The following PDE11A variants were observed in gnomAD, a reference collection of about 807,000 sequenced individuals.
PDE11A encodes phosphodiesterase 11A.
A neutral mutation model predicts 100.5 loss-of-function variants in PDE11A; 100 were observed. The ratio of observed to expected loss-of-function variants is 1.00; its 90% confidence interval spans 0.85 to 1.18. PDE11A has a LOEUF of 1.18. Among genes scored for constraint, PDE11A ranks in the 50% most tolerant of loss-of-function variants. The probability of loss-of-function intolerance (pLI) is 0.00; values close to 1 mark genes in which losing one functional copy is unlikely to be tolerated. For synonymous variants in PDE11A, 381 were observed against 420.8 expected, an observed-to-expected ratio of 0.91 and a Z score of 1.16; for missense variants, 1,141 against 1,152.6, an observed-to-expected ratio of 0.99 and a Z score of 0.15.
chr2:177,794,030 A>G lies in PDE11A; in HGVS notation c.1737+22799T>C, dbSNP rs554461039. Among the ~76,000 whole-genome samples the G allele has an allele frequency of 2.2e-4, 34 of 152,280 alleles. No individual in the cohort carries two copies. In the South Asian group the frequency reaches 6.6e-3, roughly 30 times the overall value. ...ACATCAGTCAAAAAAAGAGACAAAA[A>G]TCTCTGCCAGTATGGGGCTTATGAT... On this transcript the variant is annotated intron_variant, in intron 9 of 19. Transcript: ENST00000286063.
intron 2 of PDE11A, among the ~76,000 whole-genome samples, chr2:178,092,125 A>C (rs1384429999): frequency 6.6e-6 from 1 of 152,228 alleles, no homozygotes; most frequent in Non-Finnish European, 1.5e-5. Flanking sequence ...ACCAACCACA[A>C]GTTAATGAAA....
At chr2:177,797,931 C>G (rs980641272) in intron 9 of PDE11A, among the ~76,000 whole-genome samples, 1 of 152,202 alleles carries the variant, frequency 6.6e-6, no homozygotes, top group African/African-American at 2.4e-5. Context: ...GCTGAAAACA[C>G]TTCAATGATT....
intron 12 of PDE11A, among the ~76,000 whole-genome samples, chr2:177,713,442 C>T (rs948442508): frequency 2.0e-5 from 3 of 151,970 alleles, no homozygotes; most frequent in South Asian, 2.1e-4. Flanking sequence ...TTGCATATGC[C>T]GGCCAGGCAC....
At chr2:177,807,054 G>T (rs2082882918) in intron 9 of PDE11A, among the ~76,000 whole-genome samples, 1 of 152,024 alleles carries the variant, frequency 6.6e-6, no homozygotes, top group Non-Finnish European at 1.5e-5. Flanking sequence ...TCAACTCTTA[G>T]ATCCAAGAAA....
chr2:177,859,781 C>T (rs770896270), intron 5 of PDE11A, among the ~76,000 whole-genome samples: 8 of 151,098 alleles, frequency 5.3e-5, no homozygotes, highest in Non-Finnish European at 1.2e-4. Flanking sequence ...TCTCCAAACA[C>T]AATGTGATAG....
At chr2:177,780,246 A>T (rs1289628816) in intron 9 of PDE11A, among the ~76,000 whole-genome samples, 1 of 152,020 alleles carries the variant, frequency 6.6e-6, no homozygotes, top group African/African-American at 2.4e-5. Flanking sequence ...GATTTAGCAT[A>T]ATTCTTTTAT....
chr2:177,822,091 A>C (rs1245291605), intron 6 of PDE11A, among the ~76,000 whole-genome samples: 1 of 151,782 alleles, frequency 6.6e-6, no homozygotes, highest in Non-Finnish European at 1.5e-5. Flanking sequence ...CCCTAATATG[A>C]TATAGGCAAA....
intron 2 of PDE11A, among the ~76,000 whole-genome samples, chr2:177,935,842 C>A (rs1040313728): frequency 2.0e-5 from 3 of 152,130 alleles, no homozygotes; most frequent in Non-Finnish European, 2.9e-5. Flanking sequence ...GATCTTAGCC[C>A]CAGCTCCCTA....
At chr2:177,840,125 C>A (rs1034298105) in intron 6 of PDE11A, 126 bp downstream of exon 6, 2 of 988,980 alleles carry the variant, frequency 2.0e-6, no homozygotes, top group Non-Finnish European at 3.1e-6. Flanking sequence ...GTAGGCAATG[C>A]TAAAAATAAG....
intron 6 of PDE11A, among the ~76,000 whole-genome samples, chr2:177,824,330 G>A (rs2083193867): frequency 5.3e-5 from 8 of 152,178 alleles, no homozygotes. Flanking sequence ...TAAGATTTAA[G>A]TTAATTGCAT....
At chr2:177,901,315 C>T (rs2084694395) in intron 3 of PDE11A, among the ~76,000 whole-genome samples, 2 of 152,114 alleles carry the variant, frequency 1.3e-5, no homozygotes, top group South Asian at 4.2e-4. Flanking sequence ...TCATCTCCAA[C>T]CCAACCAATC....
intron 4 of PDE11A, among the ~76,000 whole-genome samples, chr2:177,882,896 A>G (rs921530374): frequency 2.6e-5 from 4 of 152,180 alleles, no homozygotes; most frequent in Admixed American, 6.6e-5. Flanking sequence ...AAAATTATCT[A>G]CTAAGTAATC....
chr2:177,717,339 T>C lies in PDE11A; in HGVS notation c.2044-5461A>G, dbSNP rs959388364. Among the ~76,000 whole-genome samples, 6 of 149,514 alleles carry C rather than the reference T, an allele frequency of 4.0e-5. No individual in the cohort carries two copies. In the East Asian group the frequency reaches 1.2e-3, roughly 31 times the overall value. On this transcript the variant is annotated intron_variant, in intron 12 of 19. Coordinates refer to ENST00000286063, the MANE Select transcript of PDE11A (RefSeq NM_016953.4). ...TCCATCTTCCTCCCAGGGCTATCCA[T>C]TCAGGCCTGCACGTACTGATATTGA...
At chr2:177,886,824 G>C (rs529344235) in intron 4 of PDE11A, among the ~76,000 whole-genome samples, 1 of 152,134 alleles carries the variant, frequency 6.6e-6, no homozygotes, top group African/African-American at 2.4e-5. Flanking sequence ...GAGGAAATCA[G>C]AAAGACATTT....
chr2:178,026,432 T>C (rs533857728), intron 1 of PDE11A, among the ~76,000 whole-genome samples: 44 of 152,214 alleles, frequency 2.9e-4, no homozygotes, highest in Non-Finnish European at 4.7e-4. Context: ...GAGGCCAAGG[T>C]GGGCGGATCA....
intron 1 of PDE11A, among the ~76,000 whole-genome samples, chr2:178,063,602 T>G (rs1463021658): frequency 6.6e-6 from 1 of 152,124 alleles, no homozygotes; most frequent in East Asian, 1.9e-4. Flanking sequence ...TTTGAATAAT[T>G]TTGGCAAACT....
intron 2 of PDE11A, among the ~76,000 whole-genome samples, chr2:177,908,877 A>C (rs1358126281): frequency 6.6e-6 from 1 of 152,206 alleles, no homozygotes; most frequent in Non-Finnish European, 1.5e-5. Context: ...AAAATTTAGA[A>C]TTTGCAAATA....
At chr2:177,994,522 G>A (rs1039733356) in intron 2 of PDE11A, among the ~76,000 whole-genome samples, 2 of 152,200 alleles carry the variant, frequency 1.3e-5, no homozygotes, top group African/African-American at 2.4e-5. Flanking sequence ...CAGGTGAATG[G>A]CTGCGACCCT....
intron 19 of PDE11A, among the ~76,000 whole-genome samples, chr2:177,660,051 CTTTCTTTCTT>C: frequency 2.2e-4 from 2 of 9,214 alleles, no homozygotes; most frequent in East Asian, 0.071. Context: ...TTCTTTCTTT[CTTTCTTTCTT>C]TCTTTCTTTC....
Sources: gnomAD v4.1 joint callset for allele counts (sites outside exome capture counted in the v4.1 genomes callset) on GRCh38, gnomAD v4.1.1 for gene constraint, MANE v1.5 for transcripts, NCBI Gene and HGNC (gene_info 2026-07-23, HGNC 2026-07-21) for gene names.